Variants in SNTG1 observed in about 807,000 individuals in gnomAD.
SNTG1 encodes gamma-1-syntrophin.
A neutral mutation model predicts 74.7 loss-of-function variants in SNTG1; 39 were observed. That is an observed-to-expected ratio of 0.52 (90% CI 0.40 to 0.68). SNTG1 has a LOEUF of 0.68. SNTG1 is among the 30% of genes least tolerant of loss of function. SNTG1 has a pLI of 0.00. For synonymous variants in SNTG1, 254 were observed against 217.1 expected (o/e 1.17, Z -1.49); for missense variants, 685 against 609.5 (o/e 1.12, Z -1.30).
chr8:50,547,660 T>C (rs2094397778), intron 11 of SNTG1, among the ~76,000 whole-genome samples: 1 of 152,122 alleles, frequency 6.6e-6, no homozygotes, highest in Admixed American at 6.6e-5. Flanking sequence ...CTTGAATATC[T>C]CTGGAAAACT....
intron 12 of SNTG1, among the ~76,000 whole-genome samples, chr8:50,583,884 T>C (rs1428301658): frequency 2.6e-5 from 4 of 152,014 alleles, no homozygotes; most frequent in Admixed American, 2.0e-4. Context: ...TAATTCCTCA[T>C]TTACATTAGG....
At chr8:50,269,471 C>A (rs570614204) in intron 2 of SNTG1, among the ~76,000 whole-genome samples, 2 of 152,028 alleles carry the variant, frequency 1.3e-5, no homozygotes, top group African/African-American at 4.8e-5. Flanking sequence ...CGGGGAAATG[C>A]TATAAAGTGT....
chr8:50,609,247 C>T (rs991315021), intron 13 of SNTG1, among the ~76,000 whole-genome samples: 15 of 151,934 alleles, frequency 9.9e-5, no homozygotes, highest in African/African-American at 2.7e-4. Context: ...GCTGTGAATT[C>T]TCTCACTTCT....
At chr8:50,668,083 A>G (rs542709106) in intron 15 of SNTG1, among the ~76,000 whole-genome samples, 46 of 152,060 alleles carry the variant, frequency 3.0e-4, no homozygotes, top group Non-Finnish European at 5.6e-4. Flanking sequence ...AGTCACTGCC[A>G]TCCACAAAGC....
At chr8:50,065,881 C>A (rs144810967) in intron 1 of SNTG1, among the ~76,000 whole-genome samples, 2 of 152,264 alleles carry the variant, frequency 1.3e-5, no homozygotes, top group African/African-American at 4.8e-5. Context: ...AAGACTAAGT[C>A]TATGGCACCT....
At chr8:50,209,691 A>G (rs987685251) in intron 2 of SNTG1, among the ~76,000 whole-genome samples, 2 of 152,218 alleles carry the variant, frequency 1.3e-5, no homozygotes, top group African/African-American at 4.8e-5. Context: ...AAGAAACAGA[A>G]AGGACATCCA....
At chr8:50,540,536 C>T (rs1379555896) in intron 11 of SNTG1, among the ~76,000 whole-genome samples, 1 of 152,116 alleles carries the variant, frequency 6.6e-6, no homozygotes, top group Non-Finnish European at 1.5e-5. Context: ...CTCTGATCCT[C>T]TGCATCATTC....
intron 9 of SNTG1, among the ~76,000 whole-genome samples, chr8:50,506,410 A>G (rs1460716904): frequency 1.3e-5 from 2 of 152,092 alleles, no homozygotes; most frequent in South Asian, 2.1e-4. Context: ...TAGGGATTGC[A>G]TTGAACCTGT....
chr8:50,480,398 A>G (rs1273216485), intron 8 of SNTG1, among the ~76,000 whole-genome samples: 1 of 152,198 alleles, frequency 6.6e-6, no homozygotes, highest in Non-Finnish European at 1.5e-5. Context: ...TCAAAAGTAT[A>G]CAAGGAGAAA....
chr8:50,601,152 C>CAAAAAAAA lies in SNTG1; in HGVS notation c.849+10260_849+10267dup, dbSNP rs71235311. 2.0e-3 allele frequency among the ~76,000 whole-genome samples: 64 copies of CAAAAAAAA among 31,444 alleles called. 15 individuals carry two copies. Among genetic ancestry groups the CAAAAAAAA allele is most frequent in the African/African-American group, 9.4e-3 (48 of 5,080 alleles). 20.6% of individuals were successfully genotyped at this position (31,444 alleles called of 152,430 possible). On this transcript the variant is annotated intron_variant, in intron 13 of 18. Coordinates refer to ENST00000642720, the MANE Select transcript of SNTG1 (RefSeq NM_018967.5). ...CAGCCTGGTGACAGAGCCAGCGAGA[C>CAAAAAAAA]AAAAAAAAAAAAAAAAAAAAAAAAA...
intron 1 of SNTG1, among the ~76,000 whole-genome samples, chr8:50,052,685 T>C (rs1445513116): frequency 6.6e-6 from 1 of 152,152 alleles, no homozygotes; most frequent in Non-Finnish European, 1.5e-5. Context: ...AAGGGCCTAG[T>C]ATCCGGAAAA....
At chr8:50,706,981 A>G (rs1030341769) in intron 16 of SNTG1, among the ~76,000 whole-genome samples, 2 of 152,018 alleles carry the variant, frequency 1.3e-5, no homozygotes, top group South Asian at 2.1e-4. Flanking sequence ...TTTTCTCTGT[A>G]TAATTTGTTT....
At chr8:50,263,185 T>C (rs567935584) in intron 2 of SNTG1, among the ~76,000 whole-genome samples, 2 of 152,276 alleles carry the variant, frequency 1.3e-5, no homozygotes, top group Admixed American at 6.5e-5. Flanking sequence ...GATAAGGGGA[T>C]AGGCTATGCG....
intron 8 of SNTG1, among the ~76,000 whole-genome samples, chr8:50,486,902 A>G (rs1188539353): frequency 6.6e-6 from 1 of 152,174 alleles, no homozygotes; most frequent in Non-Finnish European, 1.5e-5. Context: ...GCATCTATTG[A>G]GATAATCATG....
At chr8:50,687,590 A>C (rs6473292) in intron 15 of SNTG1, among the ~76,000 whole-genome samples, 51,104 of 152,148 alleles carry the variant, frequency 0.34, 11,173 homozygotes, top group African/African-American at 0.62. Context: ...TATTATTATA[A>C]TTTAAGTTTT....
intron 1 of SNTG1, among the ~76,000 whole-genome samples, chr8:49,985,378 G>T (rs934371441): frequency 6.6e-6 from 1 of 151,998 alleles, no homozygotes; most frequent in Non-Finnish European, 1.5e-5. Context: ...TGATCTGCCC[G>T]TCTCGGCTTC....
intron 1 of SNTG1, among the ~76,000 whole-genome samples, chr8:49,927,329 C>T (rs772492420): frequency 6.6e-6 from 1 of 152,054 alleles, no homozygotes; most frequent in African/African-American, 2.4e-5. Flanking sequence ...ATTCATAATA[C>T]CAAGCTTGGA....
At chr8:50,395,762 C>T (rs1339363694) in intron 3 of SNTG1, among the ~76,000 whole-genome samples, 5 of 152,150 alleles carry the variant, frequency 3.3e-5, no homozygotes, top group Admixed American at 6.5e-5. Context: ...CCACCCGACT[C>T]GGCCTCCCAA....
chr8:50,676,264 A>G (rs984744921), intron 15 of SNTG1, among the ~76,000 whole-genome samples: 5 of 151,662 alleles, frequency 3.3e-5, no homozygotes, highest in Admixed American at 6.6e-5. Flanking sequence ...TCCTTCAGGT[A>G]CTCCAGGTTT....
Sources: gnomAD v4.1 joint callset for allele counts (sites outside exome capture counted in the v4.1 genomes callset) on GRCh38, gnomAD v4.1.1 for gene constraint, MANE v1.5 for transcripts, NCBI Gene and HGNC (gene_info 2026-07-23, HGNC 2026-07-21) for gene names.